SCFD2: variants seen among roughly 807,000 people sequenced by gnomAD.
The protein encoded by SCFD2 is sec1 family domain-containing protein 2.
In SCFD2, 54 loss-of-function variants were observed where a neutral mutation model predicts 58.9. The ratio of observed to expected loss-of-function variants is 0.92; its 90% CI spans 0.74 to 1.15. The LOEUF is 1.15. SCFD2 is among the 50% of genes most tolerant of loss of function. SCFD2 has a pLI of 0.00. For synonymous variants in SCFD2, 321 were observed against 335.9 expected (o/e 0.96, Z 0.49); for missense variants, 805 against 836.6 (o/e 0.96, Z 0.47).
At chr4:53,317,893 T>C (rs937649546) in intron 2 of SCFD2, among the ~76,000 whole-genome samples, 46 of 152,316 alleles carry the variant, frequency 3.0e-4, no homozygotes, top group African/African-American at 1.1e-3. Flanking sequence ...GAACAAATCC[T>C]GACACACAAG....
intron 5 of SCFD2, among the ~76,000 whole-genome samples, chr4:52,986,491 ATTTTTTTTTT>A (rs369944739): frequency 1.2e-5 from 1 of 84,924 alleles, no homozygotes; most frequent in Admixed American, 1.7e-4. Context: ...TCTTCATGAA[ATTTTTTTTTT>A]TTTTTTTTTT....
intron 5 of SCFD2, among the ~76,000 whole-genome samples, chr4:53,099,332 C>T (rs1724762146): frequency 6.6e-6 from 1 of 152,182 alleles, no homozygotes; most frequent in Non-Finnish European, 1.5e-5. Flanking sequence ...TCATTACATT[C>T]CTTTTAACTT....
intron 5 of SCFD2, among the ~76,000 whole-genome samples, chr4:53,117,940 G>A (rs73250934): frequency 0.013 from 1,971 of 152,146 alleles, 18 homozygotes; most frequent in Middle Eastern, 0.02. Flanking sequence ...GTCTTTTCAT[G>A]GAAAAATCTT....
intron 5 of SCFD2, among the ~76,000 whole-genome samples, chr4:53,141,434 TG>T (rs920075230): frequency 2.6e-5 from 4 of 152,044 alleles, no homozygotes; most frequent in African/African-American, 9.7e-5. Context: ...AAAACCAAAA[TG>T]GCTGAGACAG....
At chr4:53,193,227 T>C (rs1260115792) in intron 4 of SCFD2, among the ~76,000 whole-genome samples, 1 of 152,034 alleles carries the variant, frequency 6.6e-6, no homozygotes, top group Non-Finnish European at 1.5e-5. Flanking sequence ...CTAAGACAAA[T>C]GTTGATATTA....
chr4:53,296,615 G>C (rs1436676701), intron 3 of SCFD2, among the ~76,000 whole-genome samples: 1 of 152,056 alleles, frequency 6.6e-6, no homozygotes, highest in Non-Finnish European at 1.5e-5. Flanking sequence ...TTTTTTTGAA[G>C]TGTTTTTTAT....
At chr4:52,890,094 T>A (rs1160206472) in intron 7 of SCFD2, among the ~76,000 whole-genome samples, 2 of 152,208 alleles carry the variant, frequency 1.3e-5, no homozygotes, top group African/African-American at 4.8e-5. Context: ...TCTGGCTGAG[T>A]AAGTAACCCA....
At chr4:53,348,971 TG>T (rs1467196863) in intron 2 of SCFD2, among the ~76,000 whole-genome samples, 6 of 152,194 alleles carry the variant, frequency 3.9e-5, no homozygotes, top group Non-Finnish European at 7.3e-5. Flanking sequence ...TCCACCAATC[TG>T]GGCCTCCCAA....
intron 5 of SCFD2, among the ~76,000 whole-genome samples, chr4:53,094,366 C>A (rs1724558090): frequency 6.6e-6 from 1 of 152,074 alleles, no homozygotes; most frequent in Non-Finnish European, 1.5e-5. Flanking sequence ...TTTTCTAAGT[C>A]TCTGTCTCCT....
chr4:53,251,497 A>C (rs1252914815), intron 4 of SCFD2, among the ~76,000 whole-genome samples: 1 of 152,212 alleles, frequency 6.6e-6, no homozygotes, highest in Non-Finnish European at 1.5e-5. Flanking sequence ...AAATACTGGC[A>C]AACCAAATCC....
chr4:53,365,821 C>G lies in SCFD2; in HGVS notation c.121G>C (p.Gly41Arg), dbSNP rs370207984. Residue 41 changes from glycine to arginine, a missense_variant, in exon 1 of 9, where the codon GGA becomes CGA. Physicochemically the swap from Gly to Arg is moderately radical, Grantham distance 125 (BLOSUM62 -2). Around this residue, in one of 3 missense-constraint regions of SCFD2, gnomAD observed 155 missense variants for 149.7 expected, o/e 1.04. Coordinates refer to ENST00000401642, the MANE Select transcript of SCFD2 (RefSeq NM_152540.4). This position sits in a 1 kb window ranked among gnomAD's most constrained non-coding sequence, Gnocchi z 4.3. ...ACAESLHWGC[G>R]STRLLEAVGG... ...ACCGCCTCCAGGAGACGGGTGGATC[C>G]GCAGCCCCAGTGCAGGCTCTCGGCG... 4.1e-5 allele frequency: 66 copies of G among 1,613,830 alleles called. No homozygotes were observed. Among genetic ancestry groups the G allele is most frequent in the Non-Finnish European group, 5.4e-5 (64 of 1,180,020 alleles).
intron 4 of SCFD2, among the ~76,000 whole-genome samples, chr4:53,231,437 A>G (rs570213054): frequency 6.6e-6 from 1 of 152,228 alleles, no homozygotes; most frequent in South Asian, 2.1e-4. Flanking sequence ...ATAAGAAATC[A>G]TCTCCATTTG....
chr4:53,040,287 G>C (rs1339702386), intron 5 of SCFD2, among the ~76,000 whole-genome samples: 1 of 152,186 alleles, frequency 6.6e-6, no homozygotes, highest in East Asian at 1.9e-4. Context: ...CAATATGAGA[G>C]AGGGAGGTGA....
intron 5 of SCFD2, among the ~76,000 whole-genome samples, chr4:52,965,036 G>A (rs1193895062): frequency 2.8e-5 from 4 of 144,776 alleles, no homozygotes; most frequent in Non-Finnish European, 4.6e-5. Context: ...CACACACACA[G>A]TGCTGTTGCC....
At chr4:53,266,790 T>A (rs17082544) in intron 4 of SCFD2, among the ~76,000 whole-genome samples, 2,510 of 152,340 alleles carry the variant, frequency 0.016, 77 homozygotes, top group African/African-American at 0.057. Context: ...ATATTGGACC[T>A]TGGAGATAAG....
At chr4:53,078,698 G>T (rs1724053820) in intron 5 of SCFD2, among the ~76,000 whole-genome samples, 1 of 152,102 alleles carries the variant, frequency 6.6e-6, no homozygotes, top group Non-Finnish European at 1.5e-5. Flanking sequence ...TAAATAACTT[G>T]CCCAGTCACA....
At chr4:53,219,950 C>T (rs553210995) in intron 4 of SCFD2, among the ~76,000 whole-genome samples, 1 of 152,220 alleles carries the variant, frequency 6.6e-6, no homozygotes, top group South Asian at 2.1e-4. Flanking sequence ...ACACTCACAC[C>T]ACAGCAGTGG....
intron 5 of SCFD2, among the ~76,000 whole-genome samples, chr4:53,123,006 T>C (rs1237575236): frequency 6.6e-6 from 1 of 152,188 alleles, no homozygotes; most frequent in Non-Finnish European, 1.5e-5. Flanking sequence ...ATTTGGAATA[T>C]ACGTACAATT....
chr4:52,985,373 T>G (rs1167167029), intron 5 of SCFD2, among the ~76,000 whole-genome samples: 4 of 152,224 alleles, frequency 2.6e-5, no homozygotes, highest in Admixed American at 6.5e-5. Flanking sequence ...TTTGGCACCA[T>G]GCTTAGCTCC....
Sources: gnomAD v4.1 joint callset for allele counts (sites outside exome capture counted in the v4.1 genomes callset) on GRCh38, gnomAD v4.1.1 for gene constraint, gnomAD v4.1.1 regional missense constraint, Gnocchi (gnomAD v3.1) non-coding constraint, MANE v1.5 for transcripts, NCBI Gene and HGNC (gene_info 2026-07-23, HGNC 2026-07-21) for gene names.